Variants in FHIT observed in about 807,000 individuals in gnomAD.
FHIT encodes fragile histidine triad diadenosine triphosphatase.
Under a neutral mutation model 17.9 loss-of-function variants are expected in FHIT, and 19 were observed. The observed-to-expected ratio is 1.06, with a 90% CI of 0.74 to 1.56. FHIT has a LOEUF of 1.56. FHIT is among the 40% of genes most tolerant of loss of function. The pLI, the probability that FHIT is intolerant of heterozygous loss-of-function variation, is 0.00. For synonymous variants in FHIT, 81 were observed against 69.7 expected, an observed-to-expected ratio of 1.16 and a Z score of -0.81; for missense variants, 248 against 189.2, an observed-to-expected ratio of 1.31 and a Z score of -1.82.
At chr3:61,127,186 C>G (rs2036631356) in intron 2 of FHIT, among the ~76,000 whole-genome samples, 1 of 152,124 alleles carries the variant, frequency 6.6e-6, no homozygotes, top group Non-Finnish European at 1.5e-5. Context: ...AAGAAAGACC[C>G]CTTATGAGCC....
chr3:60,852,529 C>T lies in FHIT; in HGVS notation c.-110-30518G>A, dbSNP rs984181516. The stretch of plus-strand genomic sequence containing the variant: ...TGAACAACTTTCTTCATCAGTCTGG[C>T]ACCTAACTGCATGTCTCTTTATGAA... On this transcript the variant is annotated intron_variant, in intron 3 of 9. Transcript: ENST00000492590. Among the ~76,000 whole-genome samples, 5 of 152,092 alleles carry T rather than the reference C, an allele frequency of 3.3e-5. 1 individual carries two copies. Among genetic ancestry groups the T allele is most frequent in the Admixed American group, 3.3e-4 (5 of 15,260 alleles).
At chr3:59,975,189 A>ATT (rs1708355208) in intron 7 of FHIT, among the ~76,000 whole-genome samples, 2 of 152,118 alleles carry the variant, frequency 1.3e-5, no homozygotes, top group Admixed American at 1.3e-4. Flanking sequence ...GATTCTTGGC[A>ATT]TTTGCTAGGC....
intron 5 of FHIT, among the ~76,000 whole-genome samples, chr3:60,326,380 G>A (rs545367207): frequency 1.2e-3 from 189 of 152,032 alleles, no homozygotes; most frequent in African/African-American, 4.1e-3. Flanking sequence ...CATAAGGAGC[G>A]GGCAACCTAG....
At chr3:60,441,048 T>C (rs2030751356) in intron 5 of FHIT, among the ~76,000 whole-genome samples, 1 of 152,142 alleles carries the variant, frequency 6.6e-6, no homozygotes, top group African/African-American at 2.4e-5. Flanking sequence ...CCTTTTGTTT[T>C]TGCTTTTGTT....
intron 5 of FHIT, among the ~76,000 whole-genome samples, chr3:60,237,239 A>G (rs952886813): frequency 6.6e-6 from 1 of 151,176 alleles, no homozygotes; most frequent in Non-Finnish European, 1.5e-5. Context: ...AAAATTGTGA[A>G]TATTAACAGG....
chr3:60,032,624 T>A (rs1701050296), intron 5 of FHIT, among the ~76,000 whole-genome samples: 1 of 152,172 alleles, frequency 6.6e-6, no homozygotes, highest in African/African-American at 2.4e-5. Context: ...CTAAATCTGC[T>A]GATCAATTTC....
At chr3:60,414,974 T>C (rs1702191687) in intron 5 of FHIT, among the ~76,000 whole-genome samples, 1 of 152,178 alleles carries the variant, frequency 6.6e-6, no homozygotes, top group African/African-American at 2.4e-5. Context: ...CCAAATCATT[T>C]GGGAGCTTGT....
At chr3:60,134,159 T>C (rs1449781388) in intron 5 of FHIT, among the ~76,000 whole-genome samples, 1 of 152,184 alleles carries the variant, frequency 6.6e-6, no homozygotes, top group Non-Finnish European at 1.5e-5. Flanking sequence ...ACTATATTTC[T>C]GGAGAAATCA....
At chr3:60,061,954 G>C (rs369694376) in intron 5 of FHIT, among the ~76,000 whole-genome samples, 6 of 152,076 alleles carry the variant, frequency 3.9e-5, no homozygotes, top group East Asian at 1.9e-4. Flanking sequence ...CAAGAAATGA[G>C]AAAGACTGAC....
chr3:60,371,675 G>A (rs9835058), intron 5 of FHIT, among the ~76,000 whole-genome samples: 7,504 of 152,092 alleles, frequency 0.049, 596 homozygotes, highest in African/African-American at 0.17. Flanking sequence ...TAATAAAACT[G>A]CAAATCTATT....
intron 5 of FHIT, among the ~76,000 whole-genome samples, chr3:60,116,421 A>T (rs1489836648): frequency 1.3e-5 from 2 of 152,250 alleles, no homozygotes; most frequent in East Asian, 1.9e-4. Flanking sequence ...CTTCAATAAA[A>T]ATCATAAAGC....
intron 7 of FHIT, among the ~76,000 whole-genome samples, chr3:59,995,516 T>C (rs1224435218): frequency 6.6e-6 from 1 of 152,156 alleles, no homozygotes; most frequent in Non-Finnish European, 1.5e-5. Flanking sequence ...CTTTCTGTTA[T>C]TGTAAACTTA....
At chr3:60,839,179 G>A (rs1408506777) in intron 3 of FHIT, among the ~76,000 whole-genome samples, 1 of 152,138 alleles carries the variant, frequency 6.6e-6, no homozygotes, top group East Asian at 1.9e-4. Flanking sequence ...AAAATGGTGA[G>A]TGTAATATTT....
intron 2 of FHIT, among the ~76,000 whole-genome samples, chr3:61,166,704 C>T (rs1037426634): frequency 3.3e-5 from 5 of 152,174 alleles, no homozygotes; most frequent in Non-Finnish European, 7.3e-5. Context: ...ATCGTCTTTC[C>T]TGCTTCCAAA....
At chr3:60,585,077 T>A (rs1380901025) in intron 4 of FHIT, among the ~76,000 whole-genome samples, 2 of 151,946 alleles carry the variant, frequency 1.3e-5, no homozygotes, top group Admixed American at 1.3e-4. Context: ...GATTAGAAAA[T>A]AAAAGAGAAC....
At chr3:59,899,854 A>G (rs1391234465) in intron 8 of FHIT, among the ~76,000 whole-genome samples, 4 of 152,126 alleles carry the variant, frequency 2.6e-5, no homozygotes, top group Non-Finnish European at 1.5e-5. Context: ...TCAAAAAACA[A>G]AAACAAAAAA....
chr3:60,256,387 A>G (rs1389192508), intron 5 of FHIT, among the ~76,000 whole-genome samples: 2 of 152,236 alleles, frequency 1.3e-5, no homozygotes, highest in African/African-American at 4.8e-5. Context: ...AAGATTTCTT[A>G]GAATCCAGAA....
chr3:60,593,801 A>T (rs1256051571), intron 4 of FHIT, among the ~76,000 whole-genome samples: 2 of 152,104 alleles, frequency 1.3e-5, no homozygotes, highest in Non-Finnish European at 2.9e-5. Flanking sequence ...GAGACAGCCA[A>T]TGTGGAAAAA....
In FHIT at chr3:60,297,755, C is replaced by G. The variant is rs999645324; in HGVS notation, c.103+239105G>C. ...CACACACTACTCAACACTTCTCACA[C>G]CAGATTCTCCAACAGACGCTAACTG... is the stretch of plus-strand genomic sequence containing the variant. On this transcript the variant is annotated intron_variant, in intron 5 of 9. Transcript: ENST00000492590. Among the ~76,000 whole-genome samples the G allele has an allele frequency of 1.4e-4, 21 of 152,050 alleles. 1 individual carries two copies. Among genetic ancestry groups the G allele is most frequent in the Admixed American group, 8.5e-4 (13 of 15,250 alleles).
Sources: gnomAD v4.1 joint callset for allele counts (sites outside exome capture counted in the v4.1 genomes callset) on GRCh38, gnomAD v4.1.1 for gene constraint, MANE v1.5 for transcripts, NCBI Gene and HGNC (gene_info 2026-07-23, HGNC 2026-07-21) for gene names.